JAZF1: variants seen among roughly 807,000 people sequenced by gnomAD.
JAZF1 encodes the protein JAZF zinc finger 1.
Under a neutral mutation model 26.4 loss-of-function variants are expected in JAZF1, and 8 were observed. The observed-to-expected ratio is 0.30, with a 90% CI of 0.18 to 0.55. The LOEUF is 0.55. Ranked by LOEUF, JAZF1 falls within the 20% of genes least tolerant of loss-of-function variation. The pLI is 0.94. For synonymous variants in JAZF1, 126 were observed against 122.3 expected, an observed-to-expected ratio of 1.03 and a Z score of -0.20; for missense variants, 199 against 322.0, an observed-to-expected ratio of 0.62 and a Z score of 2.92.
At chr7:27,958,328 A>G (rs1330580915) in intron 2 of JAZF1, among the ~76,000 whole-genome samples, 1 of 152,228 alleles carries the variant, frequency 6.6e-6, no homozygotes, top group Non-Finnish European at 1.5e-5. Context: ...GAAATGTTGT[A>G]AGGAAAGGAA....
chr7:28,098,327 A>G (rs1463122662), intron 1 of JAZF1, among the ~76,000 whole-genome samples: 1 of 152,186 alleles, frequency 6.6e-6, no homozygotes, highest in Admixed American at 6.5e-5. Context: ...CCCAGCCTCC[A>G]GAACTGTGGG....
At chr7:28,007,226 G>A (rs1023542572) in intron 1 of JAZF1, among the ~76,000 whole-genome samples, 2 of 152,164 alleles carry the variant, frequency 1.3e-5, no homozygotes, top group Non-Finnish European at 2.9e-5. Flanking sequence ...CCAGTACTTC[G>A]GGAGGCCGAG....
intron 2 of JAZF1, among the ~76,000 whole-genome samples, chr7:27,898,311 G>T (rs1352730018): frequency 1.3e-4 from 14 of 111,264 alleles, no homozygotes; most frequent in Non-Finnish European, 2.3e-4. Flanking sequence ...ATATACATCG[G>T]TTTTTTTTTT....
At chr7:28,061,967 A>T (rs1783803479) in intron 1 of JAZF1, among the ~76,000 whole-genome samples, 1 of 152,218 alleles carries the variant, frequency 6.6e-6, no homozygotes, top group Non-Finnish European at 1.5e-5. Context: ...GACACAAAGG[A>T]TCTGGCCTAA....
chr7:28,052,909 T>C (rs2128380540), intron 1 of JAZF1, among the ~76,000 whole-genome samples: 1 of 152,290 alleles, frequency 6.6e-6, no homozygotes, highest in South Asian at 2.1e-4. Flanking sequence ...GTGTTATGTA[T>C]GTTCATATTG....
chr7:27,902,214 G>C (rs1784176593), intron 2 of JAZF1, among the ~76,000 whole-genome samples: 1 of 152,164 alleles, frequency 6.6e-6, no homozygotes, highest in African/African-American at 2.4e-5. Context: ...GTAATATGAA[G>C]TATTTCTACT....
At chr7:28,129,309 A>T (rs529676247) in intron 1 of JAZF1, among the ~76,000 whole-genome samples, 2 of 152,152 alleles carry the variant, frequency 1.3e-5, no homozygotes, top group Non-Finnish European at 2.9e-5. Flanking sequence ...CTTTAACATT[A>T]TAAGACAGCT....
At chr7:28,086,272 A>C (rs1784210621) in intron 1 of JAZF1, among the ~76,000 whole-genome samples, 1 of 152,238 alleles carries the variant, frequency 6.6e-6, no homozygotes, top group Non-Finnish European at 1.5e-5. Context: ...GTTGAAGGCA[A>C]TTAGAGCAGC....
chr7:28,047,378 A>G (rs574090307), intron 1 of JAZF1, among the ~76,000 whole-genome samples: 1 of 152,274 alleles, frequency 6.6e-6, no homozygotes, highest in Non-Finnish European at 1.5e-5. Flanking sequence ...AAGAAATTCT[A>G]TTAAAATTTC....
intron 2 of JAZF1, chr7:27,914,641 G>T: frequency 2.2e-6 from 1 of 447,410 alleles, no homozygotes; most frequent in South Asian, 1.6e-5. Context: ...AAGGACAAGA[G>T]TGCTGTGTGG....
intron 1 of JAZF1, among the ~76,000 whole-genome samples, chr7:28,119,634 C>T (rs1784805350): frequency 6.6e-6 from 1 of 152,190 alleles, no homozygotes; most frequent in Admixed American, 6.5e-5. Context: ...GTCCACATGG[C>T]TGCCATGGAC....
At chr7:28,136,820 G>C (rs898949925) in intron 1 of JAZF1, among the ~76,000 whole-genome samples, 2 of 152,218 alleles carry the variant, frequency 1.3e-5, no homozygotes, top group African/African-American at 4.8e-5. Flanking sequence ...TGGTGAGGAA[G>C]ATGAGGGACT....
intron 1 of JAZF1, among the ~76,000 whole-genome samples, chr7:28,062,644 A>G (rs1783819092): frequency 6.6e-6 from 1 of 152,046 alleles, no homozygotes; most frequent in South Asian, 2.1e-4. Flanking sequence ...GTGACATCAC[A>G]GGGAGCGACA....
intron 1 of JAZF1, among the ~76,000 whole-genome samples, chr7:28,162,963 C>T (rs1354841178): frequency 6.6e-6 from 1 of 152,204 alleles, no homozygotes; most frequent in Non-Finnish European, 1.5e-5. Context: ...GTTCCTGCGT[C>T]ATAAACTTAG....
chr7:28,000,936 T>C (rs930586322), intron 1 of JAZF1, among the ~76,000 whole-genome samples: 9 of 152,168 alleles, frequency 5.9e-5, no homozygotes, highest in Non-Finnish European at 8.8e-5. Flanking sequence ...ATTTTCTTAA[T>C]GGAGACAAAT....
chr7:27,849,349 G>A (rs12700846), intron 3 of JAZF1, among the ~76,000 whole-genome samples: 149,414 of 152,364 alleles, frequency 0.98, 73,428 homozygotes, highest in Middle Eastern at 1. Flanking sequence ...AAGGGACAAG[G>A]GCTGCCTTTG....
At chr7:28,081,995 G>C (rs1053297695) in intron 1 of JAZF1, among the ~76,000 whole-genome samples, 1 of 152,148 alleles carries the variant, frequency 6.6e-6, no homozygotes, top group Admixed American at 6.5e-5. Context: ...GGCTAAATAA[G>C]TTGATCTCTA....
At chr7:28,117,803 G>C (rs190083956) in intron 1 of JAZF1, among the ~76,000 whole-genome samples, 1 of 152,256 alleles carries the variant, frequency 6.6e-6, no homozygotes, top group East Asian at 1.9e-4. Flanking sequence ...AATATCTTTT[G>C]AGCAGATGCT....
rs919509274 is a variant in JAZF1 at position 27,910,124 on chromosome 7, T to C, written c.189-14708A>G. ...ATATCAGCCAATGGTTCCCAACTCT[T>C]TCAGGTATGAGAGTCTGTTATAATG... On this transcript the variant is annotated intron_variant, in intron 2 of 4. Coordinates refer to ENST00000283928, the MANE Select transcript of JAZF1 (RefSeq NM_175061.4). 6.2e-4 allele frequency among the ~76,000 whole-genome samples: 94 copies of C among 152,334 alleles called. 2 individuals are homozygous for C. The highest frequency in any genetic ancestry group is 2.2e-3 in the African/African-American group (91 of 41,588).
Sources: allele counts gnomAD v4.1 joint callset (sites outside exome capture counted in the v4.1 genomes callset), GRCh38; gene constraint gnomAD v4.1.1; transcripts MANE v1.5; gene names NCBI Gene and HGNC (gene_info 2026-07-23, HGNC 2026-07-21).